FRMD4A: variants seen among roughly 807,000 people sequenced by gnomAD.
The protein encoded by FRMD4A is FERM domain containing 4A, also known as FERM domain-containing protein 4A.
Under a neutral mutation model 129.1 loss-of-function variants are expected in FRMD4A, and 29 were observed. The ratio of observed to expected loss-of-function variants is 0.22; its 90% CI spans 0.17 to 0.31. FRMD4A has a LOEUF of 0.31. Among genes scored for constraint, FRMD4A ranks in the 10% least tolerant of loss-of-function variants. The pLI is 1.00. For synonymous variants in FRMD4A, 634 were observed against 571.6 expected (o/e 1.11, Z -1.56); for missense variants, 1,272 against 1,375.8 (o/e 0.92, Z 1.19).
chr10:14,167,738 G>A (rs990268375), intron 2 of FRMD4A, among the ~76,000 whole-genome samples: 1 of 151,990 alleles, frequency 6.6e-6, no homozygotes, highest in Non-Finnish European at 1.5e-5. Context: ...CAGAGGATGT[G>A]GCATCCATGC....
chr10:14,246,754 A>G (rs894206720), intron 2 of FRMD4A, among the ~76,000 whole-genome samples: 2 of 152,192 alleles, frequency 1.3e-5, no homozygotes, highest in Admixed American at 6.5e-5. Flanking sequence ...AAAAGCAAGA[A>G]AGGGAGGTTA....
chr10:13,727,978 C>T (rs1189163977), intron 12 of FRMD4A: 1 of 152,192 alleles, frequency 6.6e-6, no homozygotes, highest in East Asian at 1.9e-4. Context: ...CATGCAGGGA[C>T]ATAGTCTCTC....
At chr10:13,739,858 G>T (rs966621712) in intron 11 of FRMD4A, among the ~76,000 whole-genome samples, 15 of 152,376 alleles carry the variant, frequency 9.8e-5, no homozygotes, top group African/African-American at 3.1e-4. Context: ...CCAGCACTTT[G>T]GGAGGCCGAG....
At chr10:14,064,100 C>A (rs1461743251) in intron 2 of FRMD4A, among the ~76,000 whole-genome samples, 1 of 152,206 alleles carries the variant, frequency 6.6e-6, no homozygotes, top group African/African-American at 2.4e-5. Context: ...CTGGGAAGTG[C>A]TCACCAATGG....
chr10:14,232,026 C>T (rs10796173), intron 2 of FRMD4A, among the ~76,000 whole-genome samples: 59,953 of 151,942 alleles, frequency 0.39, 12,627 homozygotes, highest in Non-Finnish European at 0.46. Context: ...CTGAATGGTA[C>T]TTCCTGGGTT....
chr10:14,124,304 G>A (rs1430803076), intron 2 of FRMD4A, among the ~76,000 whole-genome samples: 1 of 152,196 alleles, frequency 6.6e-6, no homozygotes, highest in Non-Finnish European at 1.5e-5. Context: ...ATCATTGCCT[G>A]AGTTGTAATT....
At chr10:14,314,678 T>C (rs907208028) in intron 2 of FRMD4A, among the ~76,000 whole-genome samples, 2 of 152,214 alleles carry the variant, frequency 1.3e-5, no homozygotes, top group African/African-American at 4.8e-5. Flanking sequence ...ATATTTTTCA[T>C]GTTGCAATCT....
intron 2 of FRMD4A, among the ~76,000 whole-genome samples, chr10:14,153,974 C>T (rs1426097545): frequency 4.0e-5 from 6 of 150,912 alleles, no homozygotes; most frequent in Admixed American, 1.3e-4. Context: ...TGTGTCCCAA[C>T]GGCCATGACG....
At chr10:13,963,963 C>T (rs1166713834) in intron 2 of FRMD4A, among the ~76,000 whole-genome samples, 1 of 151,964 alleles carries the variant, frequency 6.6e-6, no homozygotes, top group East Asian at 1.9e-4. Flanking sequence ...TTTCTAGAAG[C>T]AGCAGTGATG....
intron 2 of FRMD4A, among the ~76,000 whole-genome samples, chr10:13,902,142 G>GA (rs772644654): frequency 6.6e-6 from 1 of 151,720 alleles, no homozygotes; most frequent in Admixed American, 6.6e-5. Context: ...TCAGCCTCCT[G>GA]AGTAGCTGGG....
At chr10:13,910,888 G>GAAA (rs141449954) in intron 2 of FRMD4A, among the ~76,000 whole-genome samples, 2 of 83,074 alleles carry the variant, frequency 2.4e-5, no homozygotes, top group African/African-American at 1.0e-4. Context: ...GGAGTTTCAT[G>GAAA]AAAAAAAAAA....
chr10:13,719,553 G>T (rs1343914243), intron 12 of FRMD4A, among the ~76,000 whole-genome samples: 1 of 152,166 alleles, frequency 6.6e-6, no homozygotes, highest in East Asian at 1.9e-4. Context: ...GGCACAGCAT[G>T]TTCTGGCTGT....
At chr10:13,861,864 A>T (rs2094299473) in intron 2 of FRMD4A, among the ~76,000 whole-genome samples, 2 of 152,250 alleles carry the variant, frequency 1.3e-5, no homozygotes, top group Non-Finnish European at 2.9e-5. Context: ...TTTAAATTAG[A>T]CTAAAATAGC....
At chr10:13,693,155 TGAGCCACC>T in intron 15 of FRMD4A, 1 of 158,714 alleles carries the variant, frequency 6.3e-6, no homozygotes, top group Admixed American at 6.0e-5. Flanking sequence ...ATTAGAGGTG[TGAGCCACC>T]GTGCCCGGCC....
chr10:14,265,887 A>G (rs1844960261), intron 2 of FRMD4A, among the ~76,000 whole-genome samples: 1 of 152,154 alleles, frequency 6.6e-6, no homozygotes, highest in Admixed American at 6.6e-5. Flanking sequence ...GGGGTGCCTC[A>G]TCACACCCTC....
chr10:14,171,567 C>T (rs922787757), intron 2 of FRMD4A, among the ~76,000 whole-genome samples: 2 of 152,198 alleles, frequency 1.3e-5, no homozygotes, highest in African/African-American at 4.8e-5. Flanking sequence ...AATTTCAATG[C>T]TCATGAACTG....
At chr10:13,779,658 GCTT>G (rs1438150804) in intron 6 of FRMD4A, among the ~76,000 whole-genome samples, 1 of 152,050 alleles carries the variant, frequency 6.6e-6, no homozygotes, top group African/African-American at 2.4e-5. Context: ...AAACTCTTCC[GCTT>G]CTTGTTAATT....
At chr10:14,060,527 C>T (rs552785429) in intron 2 of FRMD4A, among the ~76,000 whole-genome samples, 32 of 152,298 alleles carry the variant, frequency 2.1e-4, no homozygotes, top group Non-Finnish European at 3.5e-4. Context: ...GAAGCCTGCC[C>T]TCTTCAGTAG....
chr10:14,299,064 A>G (rs1255308200), intron 2 of FRMD4A, among the ~76,000 whole-genome samples: 5 of 152,212 alleles, frequency 3.3e-5, no homozygotes, highest in African/African-American at 1.2e-4. Flanking sequence ...TCAGCGATCA[A>G]ACTGGGACAG....
Sources: allele counts gnomAD v4.1 joint callset (sites outside exome capture counted in the v4.1 genomes callset), GRCh38; gene constraint gnomAD v4.1.1; transcripts MANE v1.5; gene names NCBI Gene and HGNC (gene_info 2026-07-23, HGNC 2026-07-21).